The following ARHGAP22 variants were observed in gnomAD, a reference collection of about 807,000 sequenced individuals.
ARHGAP22 encodes the protein rho GTPase-activating protein 22.
ARHGAP22 carries 48 observed loss-of-function variants against 59.1 expected under a neutral mutation model. The observed-to-expected ratio is 0.81, with a 90% CI of 0.64 to 1.03. ARHGAP22 has a LOEUF of 1.03. ARHGAP22 is among the 50% of genes least tolerant of loss of function. The pLI is 0.00. For synonymous variants in ARHGAP22, 445 were observed against 416.4 expected (o/e 1.07, Z -0.84); for missense variants, 1,015 against 958.7 (o/e 1.06, Z -0.78).
At chr10:48,608,587 C>T (rs894777992), upstream of ARHGAP22, among the ~76,000 whole-genome samples, 4 of 152,146 alleles carry the variant, frequency 2.6e-5, no homozygotes, top group East Asian at 1.9e-4. Context: ...ACCTGGGTCC[C>T]CAGCCTGCCT....
intron 1 of ARHGAP22, among the ~76,000 whole-genome samples, chr10:48,613,033 A>G (rs1279283006): frequency 6.6e-6 from 1 of 152,178 alleles, no homozygotes; most frequent in Middle Eastern, 3.2e-3. Context: ...ACCTCTGACC[A>G]ACACTTCTTT....
At chr10:48,651,221 G>T (rs1013287548) in intron 1 of ARHGAP22, among the ~76,000 whole-genome samples, 6 of 152,106 alleles carry the variant, frequency 3.9e-5, no homozygotes, top group Non-Finnish European at 7.4e-5. Context: ...TGGAGGTTGA[G>T]GTCCATGACT....
chr10:48,446,389 T>C lies in ARHGAP22; in HGVS notation c.*2A>G, dbSNP rs1242393084. 6.2e-7 allele frequency: 1 copy of C among 1,613,852 alleles called. No homozygotes were observed. The highest frequency in any genetic ancestry group is 8.5e-7 in the Non-Finnish European group (1 of 1,179,882). ...GTACAGAAGTGAGCTCTGCCATTCC[T>C]TTTACTTTGGGGCCCTGGCACCTTT... On this transcript the variant is annotated 3_prime_UTR_variant, in exon 10 of 10. Coordinates refer to ENST00000249601, the MANE Select transcript of ARHGAP22 (RefSeq NM_021226.4).
At chr10:48,497,263 A>G (rs760548806) in intron 3 of ARHGAP22, among the ~76,000 whole-genome samples, 2 of 152,120 alleles carry the variant, frequency 1.3e-5, no homozygotes, top group African/African-American at 2.4e-5. Context: ...CAGGATCCTG[A>G]CCTTGTCTCC....
intron 6 of ARHGAP22, among the ~76,000 whole-genome samples, chr10:48,454,397 G>A (rs61838723): frequency 0.051 from 7,788 of 152,198 alleles, 250 homozygotes; most frequent in South Asian, 0.13. Flanking sequence ...GCCTCTACAG[G>A]GCCCGTGGAG....
intron 1 of ARHGAP22, among the ~76,000 whole-genome samples, chr10:48,648,628 T>C (rs1188875446): frequency 6.6e-6 from 1 of 152,142 alleles, no homozygotes; most frequent in African/African-American, 2.4e-5. Flanking sequence ...AAAGCCTTAA[T>C]AAAAGCTTTG....
intron 1 of ARHGAP22, among the ~76,000 whole-genome samples, chr10:48,612,161 A>G (rs1269525167): frequency 1.3e-5 from 2 of 151,766 alleles, no homozygotes; most frequent in Non-Finnish European, 2.9e-5. Context: ...CTCCTTTTGC[A>G]TCTTTAATCC....
At chr10:48,536,020 T>A (rs565574462) in intron 3 of ARHGAP22, among the ~76,000 whole-genome samples, 152 of 152,290 alleles carry the variant, frequency 1.0e-3, no homozygotes, top group African/African-American at 3.6e-3. Context: ...AGGCGCAGGA[T>A]GGGGCCCGGC....
At chr10:48,612,578 G>T (rs2060936494) in intron 1 of ARHGAP22, among the ~76,000 whole-genome samples, 1 of 152,250 alleles carries the variant, frequency 6.6e-6, no homozygotes, top group African/African-American at 2.4e-5. Context: ...CTTCCTGCAA[G>T]AAGACTATAC....
At chr10:48,449,433 G>A (rs1250099376) in intron 9 of ARHGAP22, among the ~76,000 whole-genome samples, 2 of 152,216 alleles carry the variant, frequency 1.3e-5, no homozygotes, top group African/African-American at 4.8e-5. Context: ...AAGGGCAAGG[G>A]CTGCCATTCC....
At chr10:48,595,962 A>T (rs2060042331) in intron 1 of ARHGAP22, among the ~76,000 whole-genome samples, 1 of 152,222 alleles carries the variant, frequency 6.6e-6, no homozygotes, top group Non-Finnish European at 1.5e-5. Flanking sequence ...CAGCCTATCC[A>T]TTCCTGCCCC....
At chr10:48,644,476 T>C (rs1310166737) in intron 1 of ARHGAP22, among the ~76,000 whole-genome samples, 2 of 152,218 alleles carry the variant, frequency 1.3e-5, no homozygotes, top group African/African-American at 4.8e-5. Context: ...GACTGCAGAA[T>C]ATACATTATT....
upstream of ARHGAP22, among the ~76,000 whole-genome samples, chr10:48,654,925 C>G (rs746665646): frequency 5.6e-5 from 8 of 142,838 alleles, no homozygotes; most frequent in Non-Finnish European, 1.1e-4. Context: ...CTCCCTTTCT[C>G]TCTGTTTCTC....
chr10:48,452,547 A>G (rs888884169), intron 8 of ARHGAP22, among the ~76,000 whole-genome samples: 24 of 152,168 alleles, frequency 1.6e-4, no homozygotes, highest in African/African-American at 5.8e-4. Context: ...GTCCCTCAAC[A>G]TGGGATAAGG....
chr10:48,536,957 A>G (rs2055415478), intron 3 of ARHGAP22, among the ~76,000 whole-genome samples: 1 of 152,036 alleles, frequency 6.6e-6, no homozygotes, highest in Non-Finnish European at 1.5e-5. Context: ...TGCAGGCCAA[A>G]GAAGGGCACA....
chr10:48,562,061 T>C (rs1159968445), intron 2 of ARHGAP22, among the ~76,000 whole-genome samples: 1 of 151,962 alleles, frequency 6.6e-6, no homozygotes, highest in African/African-American at 2.4e-5. Flanking sequence ...CCTGTCTCTA[T>C]TAAAAAATAC....
chr10:48,451,185 G>T, intron 8 of ARHGAP22, 45 bp from the exon 9 acceptor site: 3 of 1,549,966 alleles, frequency 1.9e-6, no homozygotes, highest in Non-Finnish European at 8.7e-7. Context: ...CCAGCCACTC[G>T]GCCCAGGCTC....
At chr10:48,642,889 C>G (rs1156657917) in intron 1 of ARHGAP22, among the ~76,000 whole-genome samples, 1 of 151,804 alleles carries the variant, frequency 6.6e-6, no homozygotes, top group African/African-American at 2.4e-5. Flanking sequence ...AACAAACTTA[C>G]AAGAAAAAAA....
At chr10:48,528,325 T>C (rs2054518891) in intron 3 of ARHGAP22, among the ~76,000 whole-genome samples, 1 of 152,148 alleles carries the variant, frequency 6.6e-6, no homozygotes, top group Non-Finnish European at 1.5e-5. Context: ...AGGGAATAAA[T>C]GGGAATGTAC....
Sources: allele counts gnomAD v4.1 joint callset (sites outside exome capture counted in the v4.1 genomes callset), GRCh38; gene constraint gnomAD v4.1.1; transcripts MANE v1.5; gene names NCBI Gene and HGNC (gene_info 2026-07-23, HGNC 2026-07-21).